Variants in TNR observed in about 807,000 individuals in gnomAD.
TNR encodes tenascin-R.
Under a neutral mutation model 150.4 loss-of-function variants are expected in TNR, and 45 were observed. That is an observed-to-expected ratio of 0.30 (90% CI 0.24 to 0.38). The LOEUF is 0.38. Among genes scored for constraint, TNR ranks in the 10% least tolerant of loss-of-function variants. The pLI, the probability that TNR is intolerant of heterozygous loss-of-function variation, is 1.00. For missense variants in TNR, 1,544 were observed against 1,759.1 expected (o/e 0.88, Z 2.19); for synonymous variants, 687 against 678.4 (o/e 1.01, Z -0.20).
At position 175,320,402 on chromosome 1, in the gene TNR, G is replaced by T. The variant is rs1648975078; in HGVS notation, c.*2955C>A. ...AGGAATCTATAAATCCTTTTATAGA[G>T]GGTTGAATAAGCTGATCTTTGAAGT... On this transcript the variant is annotated 3_prime_UTR_variant, in exon 23 of 23. Coordinates refer to ENST00000367674, the MANE Select transcript of TNR (RefSeq NM_003285.3). 6.6e-6 allele frequency: 1 copy of T among 152,100 alleles called. No individual in the cohort carries two copies. Among genetic ancestry groups the T allele is most frequent in the African/African-American group, 2.4e-5 (1 of 41,406 alleles). 9.4% of individuals were successfully genotyped at this position (152,100 alleles called of 1,614,324 possible).
chr1:175,717,907 C>T (rs1667195607), intron 1 of TNR, among the ~76,000 whole-genome samples: 1 of 152,170 alleles, frequency 6.6e-6, no homozygotes, highest in African/African-American at 2.4e-5. Flanking sequence ...CCTGCATAAT[C>T]GAGAAAGCCA....
chr1:175,355,762 G>T (rs1376916188), intron 16 of TNR, 129 bp from the exon 17 acceptor site: 1 of 1,319,124 alleles, frequency 7.6e-7, no homozygotes, highest in Non-Finnish European at 1.0e-6. Flanking sequence ...CCCTGCTCTG[G>T]CTTGGAAAGG....
chr1:175,438,426 T>C (rs1655619468), intron 2 of TNR, among the ~76,000 whole-genome samples: 1 of 152,192 alleles, frequency 6.6e-6, no homozygotes, highest in Non-Finnish European at 1.5e-5. Flanking sequence ...AATATCATAC[T>C]GAATGGACAA....
intron 2 of TNR, among the ~76,000 whole-genome samples, chr1:175,490,622 C>T (rs1658206760): frequency 6.6e-6 from 1 of 152,088 alleles, no homozygotes; most frequent in South Asian, 2.1e-4. Context: ...TGAAGAAAAC[C>T]TCAACATCAC....
At chr1:175,445,586 T>G (rs567261791) in intron 2 of TNR, among the ~76,000 whole-genome samples, 2 of 152,266 alleles carry the variant, frequency 1.3e-5, no homozygotes, top group African/African-American at 2.4e-5. Flanking sequence ...TCATTACAGG[T>G]CCCAGAGCAG....
chr1:175,562,629 C>T (rs941279526), intron 1 of TNR, among the ~76,000 whole-genome samples: 2 of 152,204 alleles, frequency 1.3e-5, no homozygotes, highest in African/African-American at 4.8e-5. Flanking sequence ...TGGGTGGACC[C>T]TGCAGAGAAC....
intron 2 of TNR, among the ~76,000 whole-genome samples, chr1:175,478,772 T>C (rs1657657058): frequency 6.6e-6 from 1 of 152,228 alleles, no homozygotes; most frequent in Admixed American, 6.5e-5. Context: ...TGCCTCCCTG[T>C]GGTAAGACCT....
chr1:175,480,747 C>G (rs532612266), intron 2 of TNR, among the ~76,000 whole-genome samples: 2 of 152,262 alleles, frequency 1.3e-5, no homozygotes, highest in South Asian at 4.1e-4. Context: ...CAGAACATAT[C>G]CTCCAAAGCC....
intron 15 of TNR, among the ~76,000 whole-genome samples, chr1:175,359,111 T>C (rs1402819733): frequency 1.4e-5 from 2 of 146,254 alleles, no homozygotes; most frequent in Non-Finnish European, 3.0e-5. Flanking sequence ...CTAGATTTGA[T>C]ACAGTTTGCA....
rs1418999940 is a variant in TNR at position 175,317,500 on chromosome 1, G to C, written c.*5857C>G. ...GGTCTCCCTAGGGGCTGCTAAACCA[G>C]TGATGGGAAGAAAATAACAGTTCAT... is the stretch of plus-strand genomic sequence containing the variant. On this transcript the variant is annotated 3_prime_UTR_variant, in exon 23 of 23. Coordinates refer to ENST00000367674, the MANE Select transcript of TNR (RefSeq NM_003285.3). The C allele has an allele frequency of 6.6e-6, 1 of 152,244 alleles. No individual in the cohort carries two copies. The highest frequency in any genetic ancestry group is 6.5e-5 in the Admixed American group (1 of 15,290). 9.4% of individuals were successfully genotyped at this position (152,244 alleles called of 1,614,324 possible). A position where few individuals can be genotyped will look rare whatever the true frequency, so the allele number is the denominator to read the frequency against.
At chr1:175,349,901 G>C (rs1405085934) in intron 18 of TNR, among the ~76,000 whole-genome samples, 1 of 152,188 alleles carries the variant, frequency 6.6e-6, no homozygotes, top group Non-Finnish European at 1.5e-5. Context: ...AATAAAGCAA[G>C]AACTCAAGCT....
intron 1 of TNR, among the ~76,000 whole-genome samples, chr1:175,530,839 G>A (rs769497869): frequency 1.9e-4 from 29 of 151,736 alleles, no homozygotes; most frequent in Non-Finnish European, 3.5e-4. Flanking sequence ...TTCCTTTCAC[G>A]CTCATTTAAC....
In TNR at chr1:175,454,718, C is replaced by T. The variant is rs192335732; in HGVS notation, c.-63-47941G>A. ...AACTCCTGACCTCAGGTGATCCACC[C>T]GCCTCGGCCTCCCAGAGTGCTGGGA... On this transcript the variant is annotated intron_variant, in intron 2 of 22. Coordinates refer to ENST00000367674, the MANE Select transcript of TNR (RefSeq NM_003285.3). 3.2e-3 allele frequency among the ~76,000 whole-genome samples: 486 copies of T among 152,198 alleles called. 1 individual carries two copies. The highest frequency in any genetic ancestry group is 0.011 in the African/African-American group (440 of 41,534).
chr1:175,471,561 A>G (rs1401391857), intron 2 of TNR, among the ~76,000 whole-genome samples: 1 of 152,198 alleles, frequency 6.6e-6, no homozygotes, highest in African/African-American at 2.4e-5. Flanking sequence ...GAGGTACACT[A>G]AAAATACAGC....
At chr1:175,730,189 C>A (rs532130518) in intron 1 of TNR, among the ~76,000 whole-genome samples, 1 of 152,168 alleles carries the variant, frequency 6.6e-6, no homozygotes, top group Non-Finnish European at 1.5e-5. Context: ...TTCCAATATG[C>A]CTTTTCTAGG....
At chr1:175,400,945 C>T (rs1408104439) in intron 4 of TNR, among the ~76,000 whole-genome samples, 1 of 152,334 alleles carries the variant, frequency 6.6e-6, no homozygotes, top group East Asian at 1.9e-4. Context: ...AGACCTCCTG[C>T]AAATGAGTGG....
chr1:175,585,260 A>C (rs1213418904), intron 1 of TNR, among the ~76,000 whole-genome samples: 1 of 152,242 alleles, frequency 6.6e-6, no homozygotes, highest in African/African-American at 2.4e-5. Context: ...TATAACTAAT[A>C]AATATAAAAC....
intron 6 of TNR, 74 bp from the exon 7 acceptor site, chr1:175,391,512 G>T: frequency 1.3e-6 from 2 of 1,491,910 alleles, no homozygotes; most frequent in Non-Finnish European, 9.1e-7. Context: ...GAAAGATAAA[G>T]GTGTGGAATA....
chr1:175,555,712 G>A (rs549548257), intron 1 of TNR, among the ~76,000 whole-genome samples: 24 of 152,160 alleles, frequency 1.6e-4, no homozygotes, highest in African/African-American at 4.8e-4. Context: ...TAGAATCTTC[G>A]TTTTCCAGAG....
Sources: gnomAD v4.1 joint callset for allele counts (sites outside exome capture counted in the v4.1 genomes callset) on GRCh38, gnomAD v4.1.1 for gene constraint, MANE v1.5 for transcripts, NCBI Gene and HGNC (gene_info 2026-07-23, HGNC 2026-07-21) for gene names.